Variants in PDGFA observed in about 807,000 individuals in gnomAD.
PDGFA encodes the protein platelet derived growth factor subunit A, also known as platelet-derived growth factor subunit A.
Under a neutral mutation model 25.6 loss-of-function variants are expected in PDGFA, and 9 were observed. That is an observed-to-expected ratio of 0.35 (90% CI 0.21 to 0.61). The LOEUF is 0.61. PDGFA is among the 20% of genes least tolerant of loss of function. The pLI is 0.75. For missense variants in PDGFA, 242 were observed against 272.8 expected, an observed-to-expected ratio of 0.89 and a Z score of 0.79; for synonymous variants, 133 against 111.8, an observed-to-expected ratio of 1.19 and a Z score of -1.20.
Position 500,293 on chromosome 7 carries a change from C to T in PDGFA, c.580+823G>A, listed in dbSNP as rs1782268631. On this transcript the variant is annotated intron_variant, in intron 5 of 5. Coordinates refer to ENST00000402802, the Ensembl canonical transcript of PDGFA. The surrounding 1 kb of genome is among the most constrained non-coding windows in gnomAD (Gnocchi z 5.0). ...GGACGGGGAGCAAGGAGACCCAAGC[C>T]CAGCAGACACCATCAAGGCCAATCA... is the stretch of plus-strand genomic sequence containing the variant. The T allele has an allele frequency of 1.5e-5, 14 of 928,508 alleles. No individual in the cohort carries two copies. Among genetic ancestry groups the T allele is most frequent in the Non-Finnish European group, 2.0e-5 (12 of 601,628 alleles). 57.5% of individuals were successfully genotyped at this position (928,508 alleles called of 1,614,324 possible).
At chr7:504,922 T>C (rs930848378) in intron 4 of PDGFA, among the ~76,000 whole-genome samples, 2 of 152,108 alleles carry the variant, frequency 1.3e-5, no homozygotes, top group Non-Finnish European at 2.9e-5. Context: ...ACAACAGAAA[T>C]GCCACCCCTC....
exon 1 of PDGFA, chr7:519,070 T>A: frequency 7.9e-7 from 1 of 1,270,092 alleles, no homozygotes; most frequent in East Asian, 2.7e-5. Flanking sequence ...GCCGGTCTCC[T>A]GTGGCGGCGA....
Position 505,950 on chromosome 7 carries a change from G to A in PDGFA, c.454-4708C>T, listed in dbSNP as rs566151338. On this transcript the variant is annotated intron_variant, in intron 4 of 5. Coordinates refer to ENST00000402802, the Ensembl canonical transcript of PDGFA. ...GCACTTTGGGAGGTCGAGGCGGGCAGATCACCTGAGGTCAGGAGTTCAAGA... is the reference window on the plus strand; with the variant it reads ...GCACTTTGGGAGGTCGAGGCGGGCAAATCACCTGAGGTCAGGAGTTCAAGA... Among the ~76,000 whole-genome samples, 8 of 152,290 alleles carry A rather than the reference G, an allele frequency of 5.3e-5. No homozygotes were observed. The South Asian group carries it at 1.5e-3, about 28-fold the overall frequency.
intron 4 of PDGFA, among the ~76,000 whole-genome samples, chr7:507,351 G>A (rs887127768): frequency 2.6e-5 from 4 of 152,226 alleles, no homozygotes; most frequent in African/African-American, 4.8e-5. Context: ...GAGACCCAGA[G>A]GGAGAGCCCT....
At chr7:498,595 C>T in intron 5 of PDGFA, 21 bp from the exon 6 acceptor site, 1 of 1,609,404 alleles carries the variant, frequency 6.2e-7, no homozygotes. Flanking sequence ...AAGGGAAAGA[C>T]AGACACTGAG....
chr7:503,109 A>G (rs1222966843), intron 4 of PDGFA, among the ~76,000 whole-genome samples: 1 of 152,134 alleles, frequency 6.6e-6, no homozygotes, highest in African/African-American at 2.4e-5. Context: ...CAAGGAGGCA[A>G]GACTGGCACC....
intron 4 of PDGFA, among the ~76,000 whole-genome samples, chr7:507,529 C>T (rs1022158764): frequency 6.6e-6 from 1 of 152,224 alleles, no homozygotes; most frequent in African/African-American, 2.4e-5. Flanking sequence ...TAGGGCCAAG[C>T]CCTCCTATCC....
At chr7:501,075 CCTGTT>C (rs770501156) in intron 5 of PDGFA, 36 bp downstream of exon 5, 2 of 1,614,104 alleles carry the variant, frequency 1.2e-6, no homozygotes, top group Non-Finnish European at 1.7e-6. Context: ...GCTCTGAAGA[CCTGTT>C]CTCCAACACC....
chr7:510,767 AGGAGGGGAGGGGAGGGGAGG>A (rs756364885), intron 4 of PDGFA, 22 bp downstream of exon 4: 2 of 480,764 alleles, frequency 4.2e-6, no homozygotes, highest in African/African-American at 7.4e-5. Flanking sequence ...GGGAGAGGAG[AGGAGGGGAGGGGAGGGGAGG>A]GGAGGGGAGG....
intron 2 of PDGFA, among the ~76,000 whole-genome samples, chr7:514,481 C>T (rs1328284378): frequency 2.6e-5 from 4 of 152,200 alleles, no homozygotes; most frequent in Non-Finnish European, 5.9e-5. Context: ...TCACCAAAGC[C>T]GCCCACAGCT....
At chr7:503,696 G>A (rs956316428) in intron 4 of PDGFA, among the ~76,000 whole-genome samples, 3 of 152,196 alleles carry the variant, frequency 2.0e-5, no homozygotes, top group South Asian at 2.1e-4. Flanking sequence ...AGGCTTGTCC[G>A]AGGCTGAGTT....
chr7:518,883 G>T (rs1180732821), intron 1 of PDGFA, 56 bp downstream of exon 1: 3 of 1,208,668 alleles, frequency 2.5e-6, no homozygotes, highest in African/African-American at 1.6e-5. Context: ...CCCAGCCGGC[G>T]GGGGGTGTGC....
chr7:513,492 A>G (rs12720024), intron 2 of PDGFA: 122,649 of 151,320 alleles, frequency 0.81, 51,698 homozygotes, highest in Non-Finnish European at 0.94. Context: ...CCAGCTGGGG[A>G]GTCTCTTCCC....
Position 500,942 on chromosome 7 carries a change from G to C in PDGFA, c.580+174C>G, listed in dbSNP as rs754303177. 46 of 1,592,604 alleles carry C rather than the reference G, an allele frequency of 2.9e-5. 1 individual carries two copies. The South Asian group carries it at 5.0e-4, about 17-fold the overall frequency. Reference sequence around the variant, plus strand: ...TCCCCACCGGACACCTGCAGGTGTGGGATCCGTCTCCCCCGCAGGCATCTG... The same window carrying C: ...TCCCCACCGGACACCTGCAGGTGTGCGATCCGTCTCCCCCGCAGGCATCTG... On this transcript the variant is annotated intron_variant, in intron 5 of 5. Transcript: ENST00000402802. This position sits in a 1 kb window ranked among gnomAD's most constrained non-coding sequence, Gnocchi z 5.0.
chr7:505,697 G>C (rs534501247), intron 4 of PDGFA, among the ~76,000 whole-genome samples: 1 of 152,202 alleles, frequency 6.6e-6, no homozygotes, highest in Non-Finnish European at 1.5e-5. Flanking sequence ...GCACAGACAA[G>C]GGAAGCCCCT....
intron 3 of PDGFA, 152 bp downstream of exon 3, chr7:512,199 T>G: frequency 1.4e-6 from 1 of 712,226 alleles, no homozygotes. Context: ...GCCAGGCCTA[T>G]TTTAGGGAGG....
chr7:518,005 G>A (rs1459812606), intron 1 of PDGFA, among the ~76,000 whole-genome samples: 1 of 151,940 alleles, frequency 6.6e-6, no homozygotes, highest in Admixed American at 6.5e-5. Flanking sequence ...ACACACGCAC[G>A]CGCGCGCAGA....
chr7:506,089 T>C (rs1018431666), intron 4 of PDGFA, among the ~76,000 whole-genome samples: 2 of 149,966 alleles, frequency 1.3e-5, no homozygotes, highest in Non-Finnish European at 3.0e-5. Flanking sequence ...GGCAGAAGAA[T>C]TGCCTGAACC....
chr7:510,682 G>A (rs1251309861), intron 4 of PDGFA, 127 bp downstream of exon 4: 3 of 456,452 alleles, frequency 6.6e-6, no homozygotes, highest in Non-Finnish European at 7.7e-6. Context: ...TGGCTGCTTG[G>A]TAGGGGCGGC....
Sources: gnomAD v4.1 joint callset for allele counts (sites outside exome capture counted in the v4.1 genomes callset) on GRCh38, gnomAD v4.1.1 for gene constraint, Gnocchi (gnomAD v3.1) non-coding constraint, MANE v1.5 for transcripts, NCBI Gene and HGNC (gene_info 2026-07-23, HGNC 2026-07-21) for gene names.